Variants in CCDC83 observed in about 807,000 individuals in gnomAD.
CCDC83 encodes coiled-coil domain-containing protein 83.
CCDC83 carries 54 observed loss-of-function variants against 50.1 expected under a neutral mutation model. The ratio of observed to expected loss-of-function variants is 1.08; its 90% CI spans 0.87 to 1.35. The LOEUF (loss-of-function observed/expected upper bound fraction) is 1.35. CCDC83 is among the 40% of genes most tolerant of loss of function. The pLI is 0.00. For synonymous variants in CCDC83, 161 were observed against 153.3 expected (o/e 1.05, Z -0.37); for missense variants, 518 against 473.9 (o/e 1.09, Z -0.86).
chr11:85,886,096 G>A, intron 4 of CCDC83, 104 bp from the exon 5 acceptor site: 2 of 795,368 alleles, frequency 2.5e-6, no homozygotes, highest in Non-Finnish European at 3.6e-6. Flanking sequence ...GTATTTATGA[G>A]TTAACAGTAT....
At chr11:85,906,715 CAA>C (rs1269728854) in intron 7 of CCDC83, among the ~76,000 whole-genome samples, 1 of 149,056 alleles carries the variant, frequency 6.7e-6, no homozygotes, top group South Asian at 2.1e-4. Context: ...CACATCTCTA[CAA>C]AAAAAAAATT....
At position 85,910,498 on chromosome 11, in the gene CCDC83, CT is replaced by C. The variant is rs760046469; in HGVS notation, c.673-780del. Among the ~76,000 whole-genome samples the C allele has an allele frequency of 2.0e-5, 3 of 152,228 alleles. No individual in the cohort carries two copies. The South Asian group carries it at 6.2e-4, about 32-fold the overall frequency. On this transcript the variant is annotated intron_variant, in intron 7 of 10. Coordinates refer to ENST00000342404, the MANE Select transcript of CCDC83 (RefSeq NM_001286159.2). Reference sequence around the variant, plus strand: ...GAAGGACTACTAGCCTGTGCTTCTCCTTTAAAAAGTCCCAATAATATAGCAT... The same window carrying C: ...GAAGGACTACTAGCCTGTGCTTCTCCTTAAAAAGTCCCAATAATATAGCAT...
At chr11:85,873,833 T>A (rs1402329093) in intron 3 of CCDC83, among the ~76,000 whole-genome samples, 1 of 152,222 alleles carries the variant, frequency 6.6e-6, no homozygotes, top group Admixed American at 6.5e-5. Flanking sequence ...AAATAAAGTT[T>A]GGGAGCAATC....
rs184966660 is a variant in CCDC83, at chr11:85,910,778, T to C, written c.673-503T>C. Among the ~76,000 whole-genome samples, 373 of 152,316 alleles carry C rather than the reference T, an allele frequency of 2.4e-3. 1 individual carries two copies. The highest frequency in any genetic ancestry group is 4.1e-3 in the Non-Finnish European group (279 of 68,024). ...AAAAATGATTTCCACCTATTCCTTT[T>C]AAGGGAGGAAGGACAAAGCAAGCCC... On this transcript the variant is annotated intron_variant, in intron 7 of 10. Transcript: ENST00000342404.
chr11:85,900,584 C>T (rs182232332), intron 7 of CCDC83, among the ~76,000 whole-genome samples: 2 of 152,244 alleles, frequency 1.3e-5, no homozygotes, highest in South Asian at 2.1e-4. Flanking sequence ...CCATGCCACT[C>T]CCCAGACTTT....
intron 2 of CCDC83, among the ~76,000 whole-genome samples, chr11:85,870,005 C>T (rs1330895847): frequency 1.3e-5 from 2 of 152,212 alleles, no homozygotes; most frequent in Non-Finnish European, 1.5e-5. Context: ...CTGCCACTCA[C>T]ATCATCCTGA....
chr11:85,915,364 C>T, intron 8 of CCDC83, 55 bp from the exon 9 acceptor site: 5 of 1,191,236 alleles, frequency 4.2e-6, no homozygotes, highest in African/African-American at 3.0e-5. Flanking sequence ...CCCTAGTAAG[C>T]ATGCAATGCA....
chr11:85,875,869 A>G (rs1204854370), intron 3 of CCDC83, among the ~76,000 whole-genome samples: 1 of 152,068 alleles, frequency 6.6e-6, no homozygotes, highest in Non-Finnish European at 1.5e-5. Flanking sequence ...GTTTGCATTC[A>G]TTGCTCCACC....
intron 1 of CCDC83, among the ~76,000 whole-genome samples, chr11:85,856,758 C>T (rs1237262480): frequency 4.6e-5 from 7 of 152,156 alleles, no homozygotes; most frequent in African/African-American, 9.6e-5. Context: ...ATTTCCAAAC[C>T]GGGCAAATTT....
At chr11:85,879,859 G>A (rs1451214004) in intron 3 of CCDC83, among the ~76,000 whole-genome samples, 6 of 152,010 alleles carry the variant, frequency 3.9e-5, no homozygotes, top group Admixed American at 6.6e-5. Context: ...CAGGTGATCC[G>A]CTCGCCTCAG....
intron 7 of CCDC83, among the ~76,000 whole-genome samples, chr11:85,903,428 G>T (rs1051560802): frequency 6.6e-6 from 1 of 151,804 alleles, no homozygotes; most frequent in African/African-American, 2.4e-5. Flanking sequence ...CCAAGAAGCT[G>T]GGATTACAGG....
At position 85,905,168 on chromosome 11, in the gene CCDC83, C is replaced by T. The variant is rs1048802773; in HGVS notation, c.673-6113C>T. Among the ~76,000 whole-genome samples the T allele has an allele frequency of 6.0e-5, 9 of 150,794 alleles. No individual in the cohort carries two copies. In the South Asian group the frequency reaches 8.4e-4, roughly 14 times the overall value. ...AAAAATTAGCCAGGCGTGGGCCAGG[C>T]GCAGTGGCTCACACCTGTAATCTCA... On this transcript the variant is annotated intron_variant, in intron 7 of 10. Transcript: ENST00000342404.
At chr11:85,865,913 AAGAG>A (rs1173680347) in intron 2 of CCDC83, among the ~76,000 whole-genome samples, 1 of 152,018 alleles carries the variant, frequency 6.6e-6, no homozygotes, top group Non-Finnish European at 1.5e-5. Context: ...AAAAAAAAAA[AAGAG>A]AGAATGGAAG....
intron 3 of CCDC83, among the ~76,000 whole-genome samples, chr11:85,875,595 A>T (rs2093264751): frequency 6.6e-6 from 1 of 152,274 alleles, no homozygotes; most frequent in Non-Finnish European, 1.5e-5. Flanking sequence ...CAAGCTTTTT[A>T]GACAGCAGCA....
chr11:85,895,276 T>C lies in CCDC83; in HGVS notation c.512-17T>C. 4 of 771,616 alleles carry C rather than the reference T, an allele frequency of 5.2e-6. No individual in the cohort carries two copies. The highest frequency in any genetic ancestry group is 2.7e-5 in the African/African-American group (1 of 37,406). The allele number at this position is 771,616 out of a possible 1,614,324, so 47.8% of individuals were successfully genotyped here. A position where few individuals can be genotyped will look rare whatever the true frequency, so the allele number is the denominator to read the frequency against. On this transcript the variant is annotated splice_polypyrimidine_tract_variant and intron_variant, in intron 5 of 10. Coordinates refer to ENST00000342404, the MANE Select transcript of CCDC83 (RefSeq NM_001286159.2). ...GGCTTTTAATTTTCTTTTTTTTTTT[T>C]TTTTTTTTTTTTAAAGAACACTATA...
intron 7 of CCDC83, among the ~76,000 whole-genome samples, chr11:85,904,895 A>C (rs1469643872): frequency 1.3e-5 from 2 of 152,196 alleles, no homozygotes; most frequent in African/African-American, 4.8e-5. Context: ...TTCTATGATA[A>C]CTGACAATTA....
chr11:85,892,783 T>A (rs17817402), intron 5 of CCDC83, among the ~76,000 whole-genome samples: 40,128 of 152,012 alleles, frequency 0.26, 5,672 homozygotes, highest in Middle Eastern at 0.29. Flanking sequence ...AAAAAAGAAA[T>A]TCCATCAGAA....
At chr11:85,861,996 A>G (rs1307715906) in intron 1 of CCDC83, among the ~76,000 whole-genome samples, 1 of 110,572 alleles carries the variant, frequency 9.0e-6, no homozygotes, top group Non-Finnish European at 1.9e-5. Flanking sequence ...ACCCTGTCTC[A>G]TTAAAAAAAA....
chr11:85,911,488 TTTAA>T (rs1310572440), intron 8 of CCDC83, 86 bp downstream of exon 8: 1 of 1,195,358 alleles, frequency 8.4e-7, no homozygotes, highest in African/African-American at 1.6e-5. Flanking sequence ...AAAAAGATGA[TTTAA>T]TTATTCAGTG....
Sources: allele counts gnomAD v4.1 joint callset (sites outside exome capture counted in the v4.1 genomes callset), GRCh38; gene constraint gnomAD v4.1.1; transcripts MANE v1.5; gene names NCBI Gene and HGNC (gene_info 2026-07-23, HGNC 2026-07-21).